The following GCNT1 variants were observed in gnomAD, a reference collection of about 807,000 sequenced individuals.
GCNT1 encodes the protein glucosaminyl (N-acetyl) transferase 1, also known as beta-1,3-galactosyl-O-glycosyl-glycoprotein beta-1,6-N-acetylglucosaminyltransferase.
In GCNT1, 16 loss-of-function variants were observed where a neutral mutation model predicts 26.2. That is an observed-to-expected ratio of 0.61 (90% confidence interval 0.41 to 0.93). The LOEUF (loss-of-function observed/expected upper bound fraction) is 0.93, where lower values mean the gene tolerates loss of function less well. Among genes scored for constraint, GCNT1 ranks in the 40% least tolerant of loss-of-function variants. The pLI, the probability that GCNT1 is intolerant of heterozygous loss-of-function variation, is 0.00. For missense variants in GCNT1, 477 were observed against 526.7 expected (o/e 0.91, Z 0.92); for synonymous variants, 183 against 190.8 (o/e 0.96, Z 0.34).
chr9:76,402,704 G>C, the GCNT1 span, among the ~76,000 whole-genome samples: 1 of 146,822 alleles, frequency 6.8e-6, no homozygotes, highest in Admixed American at 6.8e-5. Context: ...TTTTGAGACA[G>C]TGTCTCACTC....
Position 76,503,072 on chromosome 9 carries a change from A to G in GCNT1, c.691A>G (p.Arg231Gly). ...CATTAAAACCAACCTAGAAATTGTC[A>G]GGAAGCTCAAGTTGTTAATGGGAGA... is the stretch of plus-strand genomic sequence containing the variant. Reference protein sequence around the residue: ...FPIKTNLEIVRKLKLLMGENN... With the variant: ...FPIKTNLEIVGKLKLLMGENN... Residue 231 changes from arginine to glycine, a missense_variant, in exon 4 of 4, where the codon AGG becomes GGG. Coordinates refer to ENST00000376730, the MANE Select transcript of GCNT1 (RefSeq NM_001490.5). The G allele has an allele frequency of 6.2e-7, 1 of 1,614,192 alleles. No individual in the cohort carries two copies. Among genetic ancestry groups the G allele is most frequent in the Non-Finnish European group, 8.5e-7 (1 of 1,180,030 alleles).
At chr9:76,424,036 C>G (rs1823231415) in intron 1 of GCNT1, among the ~76,000 whole-genome samples, 1 of 152,168 alleles carries the variant, frequency 6.6e-6, no homozygotes, top group Non-Finnish European at 1.5e-5. Context: ...GCCTTGGAAT[C>G]AAAGGTGTAG....
intron 2 of GCNT1, among the ~76,000 whole-genome samples, chr9:76,475,914 T>C (rs1361298504): frequency 1.3e-5 from 2 of 152,184 alleles, no homozygotes; most frequent in East Asian, 3.9e-4. Context: ...TCTGTTTGAC[T>C]TCACACTTCT....
intron 2 of GCNT1, among the ~76,000 whole-genome samples, chr9:76,463,678 C>T (rs560838644): frequency 1.6e-4 from 24 of 152,258 alleles, no homozygotes; most frequent in South Asian, 6.2e-4. Context: ...CTGTTAGATG[C>T]CCGGCATTGC....
chr9:76,430,686 A>G (rs1823327149), intron 1 of GCNT1, among the ~76,000 whole-genome samples: 1 of 149,644 alleles, frequency 6.7e-6, no homozygotes, highest in African/African-American at 2.5e-5. Flanking sequence ...GCACCTGGTT[A>G]GTCCTCTTTT....
intron 2 of GCNT1, among the ~76,000 whole-genome samples, chr9:76,460,817 A>C (rs1385243561): frequency 6.6e-6 from 1 of 152,164 alleles, no homozygotes; most frequent in East Asian, 1.9e-4. Context: ...TTTGACGGTC[A>C]CTGCCACCTC....
At chr9:76,436,634 A>G (rs1452073045) in intron 1 of GCNT1, among the ~76,000 whole-genome samples, 1 of 150,760 alleles carries the variant, frequency 6.6e-6, no homozygotes, top group Non-Finnish European at 1.5e-5. Flanking sequence ...ACAATAGCAT[A>G]TTAAAAACTG....
chr9:76,401,552 AC>A, the GCNT1 span, among the ~76,000 whole-genome samples: 1 of 152,244 alleles, frequency 6.6e-6, no homozygotes, highest in Non-Finnish European at 1.5e-5. Context: ...AAGAAAGAAA[AC>A]TAATTTTTTT....
At chr9:76,439,119 C>T (rs1244619624), upstream of GCNT1, among the ~76,000 whole-genome samples, 1 of 152,162 alleles carries the variant, frequency 6.6e-6, no homozygotes, top group African/African-American at 2.4e-5. Flanking sequence ...GGGTGGTTCC[C>T]AGACCAGTAG....
chr9:76,486,446 A>T (rs909575119), intron 2 of GCNT1, among the ~76,000 whole-genome samples: 1 of 152,206 alleles, frequency 6.6e-6, no homozygotes, highest in African/African-American at 2.4e-5. Flanking sequence ...CCAAGTTGAA[A>T]ACAGTTTTCC....
At chr9:76,474,933 G>T (rs1443778960) in intron 2 of GCNT1, among the ~76,000 whole-genome samples, 2 of 152,142 alleles carry the variant, frequency 1.3e-5, no homozygotes, top group African/African-American at 4.8e-5. Context: ...TTTATCTGGA[G>T]GCTGGTTTTT....
chr9:76,492,298 G>A (rs1304221205), intron 2 of GCNT1, among the ~76,000 whole-genome samples: 3 of 152,126 alleles, frequency 2.0e-5, no homozygotes, highest in Non-Finnish European at 4.4e-5. Flanking sequence ...TGGATAATAT[G>A]TCCCTCCCTA....
At chr9:76,483,495 G>T (rs891227916) in intron 2 of GCNT1, among the ~76,000 whole-genome samples, 1 of 151,978 alleles carries the variant, frequency 6.6e-6, no homozygotes. Context: ...GCTCACCGCA[G>T]CCTCGAACTC....
At chr9:76,481,899 G>T (rs1182245691) in intron 2 of GCNT1, among the ~76,000 whole-genome samples, 1 of 152,154 alleles carries the variant, frequency 6.6e-6, no homozygotes, top group African/African-American at 2.4e-5. Flanking sequence ...AGTATGAAGA[G>T]GGCCAAGTGA....
intron 2 of GCNT1, among the ~76,000 whole-genome samples, chr9:76,478,099 C>T (rs1024758424): frequency 1.3e-5 from 2 of 152,192 alleles, no homozygotes; most frequent in African/African-American, 4.8e-5. Context: ...TAAAATGGAC[C>T]AATCAGCAGG....
chr9:76,460,461 C>G (rs1470535464), intron 2 of GCNT1, among the ~76,000 whole-genome samples: 1 of 152,126 alleles, frequency 6.6e-6, no homozygotes, highest in Non-Finnish European at 1.5e-5. Flanking sequence ...CAGAGCTGTT[C>G]TGAAAGGCCG....
chr9:76,494,080 A>G (rs979866502), intron 2 of GCNT1, among the ~76,000 whole-genome samples: 1 of 151,908 alleles, frequency 6.6e-6, no homozygotes, highest in Non-Finnish European at 1.5e-5. Context: ...CCCGCCCCCC[A>G]CCAAGAACCC....
the GCNT1 span, chr9:76,394,172 A>G: frequency 1.2e-6 from 2 of 1,601,232 alleles, no homozygotes; most frequent in Non-Finnish European, 1.7e-6. Context: ...GGTGCCTCAT[A>G]ATGCAGTCCG....
the GCNT1 span, among the ~76,000 whole-genome samples, chr9:76,406,213 A>G: frequency 9.0e-4 from 137 of 152,292 alleles, no homozygotes; most frequent in Middle Eastern, 3.4e-3. Context: ...TGCTTATTTA[A>G]AAACATCAGA....
Sources: allele counts gnomAD v4.1 joint callset (sites outside exome capture counted in the v4.1 genomes callset), GRCh38; gene constraint gnomAD v4.1.1; transcripts MANE v1.5; gene names NCBI Gene and HGNC (gene_info 2026-07-23, HGNC 2026-07-21).